Variants in HAS2 observed in about 807,000 individuals in gnomAD.
The protein encoded by HAS2 is HA synthase 2.
HAS2 carries 16 observed loss-of-function variants against 51.6 expected under a neutral mutation model. The ratio of observed to expected loss-of-function variants is 0.31; its 90% CI spans 0.21 to 0.47. The LOEUF (loss-of-function observed/expected upper bound fraction) is 0.47, where lower values mean the gene tolerates loss of function less well. Ranked by LOEUF, HAS2 falls within the 20% of genes least tolerant of loss-of-function variation. The pLI is 1.00. For missense variants in HAS2, 361 were observed against 662.6 expected (o/e 0.54, Z 5.00); for synonymous variants, 228 against 235.5 (o/e 0.97, Z 0.29).
chr8:121,640,038 C>A (rs1389871610), intron 1 of HAS2: 4 of 152,228 alleles, frequency 2.6e-5, no homozygotes, highest in Non-Finnish European at 2.9e-5. Context: ...CGAAGCGCAG[C>A]GCGCGGTCCC....
intron 1 of HAS2, among the ~76,000 whole-genome samples, chr8:121,637,351 T>A (rs1343500491): frequency 2.0e-5 from 3 of 151,692 alleles, no homozygotes; most frequent in Non-Finnish European, 4.4e-5. Context: ...GGAAAGGCAG[T>A]ATATATATGA....
intron 2 of HAS2, among the ~76,000 whole-genome samples, chr8:121,623,666 A>T (rs1489872742): frequency 3.3e-5 from 5 of 152,230 alleles, no homozygotes; most frequent in Non-Finnish European, 7.3e-5. Context: ...GAGCTGAAAG[A>T]CATCTTAGAG....
At position 121,614,426 on chromosome 8, in the gene HAS2, G is replaced by A; in HGVS notation, c.1342C>T (p.Leu448Phe). The change falls in exon 4 of 4, where the codon CTT (leucine) becomes TTT (phenylalanine). Residue 448 changes from leucine (L) to phenylalanine (F), a missense_variant. Transcript: ENST00000303924. This position sits in a 1 kb window ranked among gnomAD's most constrained non-coding sequence, Gnocchi z 7.2. Reference sequence around the variant, plus strand: ...GCAATTGCAAACATCTTGGCGGGAAGTAAACTCGACATGTATAACACTGAG... The same window carrying A: ...GCAATTGCAAACATCTTGGCGGGAAATAAACTCGACATGTATAACACTGAG... ...LYSVLYMSSL[L>F]PAKMFAIATI... 1 of 1,614,172 alleles carries A rather than the reference G, an allele frequency of 6.2e-7. No homozygotes were observed. Among genetic ancestry groups the A allele is most frequent in the African/African-American group, 1.3e-5 (1 of 75,052 alleles).
At chr8:121,634,775 C>T (rs11780881) in intron 1 of HAS2, among the ~76,000 whole-genome samples, 43,868 of 150,630 alleles carry the variant, frequency 0.29, 6,635 homozygotes, top group Middle Eastern at 0.39. Context: ...AGAAACCATC[C>T]CCATAATTTT....
Position 121,614,778 on chromosome 8 carries a change from G to A in HAS2, c.990C>T (p.Tyr330=), listed in dbSNP as rs147343719. The A allele has an allele frequency of 1.3e-4, 211 of 1,614,080 alleles. No homozygotes were observed. The highest frequency in any genetic ancestry group is 1.7e-4 in the Non-Finnish European group (205 of 1,180,046). The part of the protein sequence containing the change: ...RVLSLGYATK[Y]TARSKCLTET... ...CAGTAAGGCACTTAGATCGAGCTGTGTATTTTGTTGCATAGCCCAGGCTCA... is the reference window on the plus strand; with the variant it reads ...CAGTAAGGCACTTAGATCGAGCTGTATATTTTGTTGCATAGCCCAGGCTCA... The change falls in exon 4 of 4, where the codon TAC becomes TAT. Residue 330 remains tyrosine (Y), a synonymous_variant. Transcript: ENST00000303924. The surrounding 1 kb of genome is among the most constrained non-coding windows in gnomAD (Gnocchi z 7.2).
chr8:121,614,447 C>G lies in HAS2; in HGVS notation c.1321G>C (p.Val441Leu). ...GGAAGTAAACTCGACATGTATAACA[C>G]TGAGTAGAGAGACATGAAGACCATG... ...IVMVFMSLYS[V>L]LYMSSLLPAK... The change falls in exon 4 of 4, where the codon GTG becomes CTG. Residue 441 changes from valine to leucine, a missense_variant. Around this residue, in one of 5 missense-constraint regions of HAS2, gnomAD observed 106 missense variants for 241.0 expected, o/e 0.44. Coordinates refer to ENST00000303924, the MANE Select transcript of HAS2 (RefSeq NM_005328.3). The surrounding 1 kb of genome is among the most constrained non-coding windows in gnomAD (Gnocchi z 7.2). The G allele has an allele frequency of 1.2e-6, 2 of 1,614,050 alleles. No homozygotes were observed. The highest frequency in any genetic ancestry group is 1.7e-6 in the Non-Finnish European group (2 of 1,179,948).
chr8:121,630,076 G>A (rs200379208), intron 1 of HAS2, among the ~76,000 whole-genome samples: 16 of 133,180 alleles, frequency 1.2e-4, no homozygotes, highest in South Asian at 4.7e-4. Flanking sequence ...TTAAAGCCCC[G>A]TAATTCTGAA....
chr8:121,626,784 C>G (rs1812859816), intron 2 of HAS2, among the ~76,000 whole-genome samples: 1 of 152,136 alleles, frequency 6.6e-6, no homozygotes, highest in East Asian at 1.9e-4. Context: ...TTACCAGTTT[C>G]AGAATGCTAA....
At position 121,614,541 on chromosome 8, in the gene HAS2, G is replaced by T. The variant is rs1471609176; in HGVS notation, c.1227C>A (p.Phe409Leu). 6.2e-7 allele frequency: 1 copy of T among 1,614,176 alleles called. No homozygotes were observed. The highest frequency in any genetic ancestry group is 1.7e-5 in the Admixed American group (1 of 60,026). ...GACCTACTAGCTGGACAGTTAACAA[G>T]AAGAGGAGAATGTTCCAAATTTTAC... ...YRGKIWNILLFLLTVQLVGLI... is the reference protein window; with the variant it reads ...YRGKIWNILLLLLTVQLVGLI... The change falls in exon 4 of 4, where the codon TTC becomes TTA. Residue 409 changes from phenylalanine to leucine, a missense_variant. Physicochemically the swap from Phe to Leu is conservative, Grantham distance 22. Transcript: ENST00000303924. The surrounding 1 kb of genome is among the most constrained non-coding windows in gnomAD (Gnocchi z 7.2).
chr8:121,640,718 T>A (rs1026253011), intron 1 of HAS2, 135 bp downstream of exon 1: 1 of 152,196 alleles, frequency 6.6e-6, no homozygotes, highest in Non-Finnish European at 1.5e-5. Flanking sequence ...CTTCAGTCTG[T>A]TGGAAATTTT....
At chr8:121,634,388 CCTT>C (rs1812978595) in intron 1 of HAS2, among the ~76,000 whole-genome samples, 1 of 151,824 alleles carries the variant, frequency 6.6e-6, no homozygotes, top group Non-Finnish European at 1.5e-5. Flanking sequence ...GCTTATCTGT[CCTT>C]CTAAAGCAAC....
intron 2 of HAS2, among the ~76,000 whole-genome samples, chr8:121,625,997 G>T (rs1247272205): frequency 3.9e-5 from 6 of 152,090 alleles, no homozygotes; most frequent in African/African-American, 1.2e-4. Flanking sequence ...CTACAGGGCC[G>T]AGAGAGCAGT....
At chr8:121,615,530 G>A (rs1037090388) in intron 3 of HAS2, among the ~76,000 whole-genome samples, 5 of 151,994 alleles carry the variant, frequency 3.3e-5, no homozygotes, top group African/African-American at 4.8e-5. Flanking sequence ...TCGCCATTTT[G>A]GCCAGGCTGG....
At chr8:121,616,581 G>A (rs180748100) in intron 3 of HAS2, among the ~76,000 whole-genome samples, 54 of 151,570 alleles carry the variant, frequency 3.6e-4, no homozygotes, top group African/African-American at 1.3e-3. Flanking sequence ...GACTACAGTC[G>A]CACACCACCA....
At chr8:121,615,614 C>T (rs1325059957) in intron 3 of HAS2, among the ~76,000 whole-genome samples, 2 of 151,476 alleles carry the variant, frequency 1.3e-5, no homozygotes, top group East Asian at 1.9e-4. Context: ...TGACCCACTG[C>T]GCCTGGCCAA....
intron 1 of HAS2, among the ~76,000 whole-genome samples, chr8:121,635,348 T>G (rs1300988424): frequency 1.3e-5 from 2 of 152,208 alleles, no homozygotes; most frequent in Non-Finnish European, 2.9e-5. Flanking sequence ...AAAAGGAATC[T>G]AAGTACATAT....
chr8:121,627,033 A>G (rs1196789230), intron 2 of HAS2, among the ~76,000 whole-genome samples: 1 of 152,210 alleles, frequency 6.6e-6, no homozygotes, highest in Non-Finnish European at 1.5e-5. Context: ...GGATACAAAC[A>G]AAATTCAAAA....
At position 121,629,152 on chromosome 8, in the gene HAS2, A is replaced by G. The variant is rs1812896416; in HGVS notation, c.189T>C (p.Phe63=). ...LASHLIIQSL[F]AFLEHRKMKK... is the part of the protein sequence containing the mutation. The stretch of plus-strand genomic sequence containing the variant: ...TCATTTTTCGGTGCTCCAAAAAGGC[A>G]AACAGGCTTTGGATGATGAGGTGTG... The change falls in exon 2 of 4, where the codon TTT becomes TTC. Residue 63 remains phenylalanine, a synonymous_variant. Transcript: ENST00000303924. 1 of 1,613,998 alleles carries G rather than the reference A, an allele frequency of 6.2e-7. No homozygotes were observed. The highest frequency in any genetic ancestry group is 1.1e-5 in the South Asian group (1 of 91,088).
intron 1 of HAS2, among the ~76,000 whole-genome samples, chr8:121,632,284 A>G (rs561038238): frequency 1.3e-5 from 2 of 152,288 alleles, no homozygotes; most frequent in South Asian, 4.1e-4. Flanking sequence ...TATGGGCACC[A>G]TGTGTTAGAC....
Sources: gnomAD v4.1 joint callset for allele counts (sites outside exome capture counted in the v4.1 genomes callset) on GRCh38, gnomAD v4.1.1 for gene constraint, gnomAD v4.1.1 regional missense constraint, Gnocchi (gnomAD v3.1) non-coding constraint, MANE v1.5 for transcripts, NCBI Gene and HGNC (gene_info 2026-07-23, HGNC 2026-07-21) for gene names.